The following XPO4 variants were observed in gnomAD, a reference collection of about 807,000 sequenced individuals.
XPO4 encodes the protein exportin 4, also known as exportin-4.
XPO4 carries 39 observed loss-of-function variants against 143.0 expected under a neutral mutation model. That is an observed-to-expected ratio of 0.27 (90% CI 0.21 to 0.36). The LOEUF is 0.36. Ranked by LOEUF, XPO4 falls within the 10% of genes least tolerant of loss-of-function variation. The probability of loss-of-function intolerance (pLI) is 1.00; values close to 1 mark genes in which losing one functional copy is unlikely to be tolerated. For missense variants in XPO4, 907 were observed against 1,348.0 expected, an observed-to-expected ratio of 0.67 and a Z score of 5.12; for synonymous variants, 439 against 474.0, an observed-to-expected ratio of 0.93 and a Z score of 0.96.
intron 1 of XPO4, among the ~76,000 whole-genome samples, chr13:20,868,931 T>C (rs1940430211): frequency 6.6e-6 from 1 of 152,190 alleles, no homozygotes; most frequent in Admixed American, 6.5e-5. Flanking sequence ...CAGAATCCTT[T>C]AAAGGTTTTT....
At chr13:20,870,089 CAAAA>C (rs59710121) in intron 1 of XPO4, among the ~76,000 whole-genome samples, 1 of 98,930 alleles carries the variant, frequency 1.0e-5, no homozygotes, top group Non-Finnish European at 1.9e-5. Context: ...GAAGGAGTCT[CAAAA>C]AAAAAAAAAA....
chr13:20,865,517 A>C, intron 2 of XPO4: 1 of 985,084 alleles, frequency 1.0e-6, no homozygotes, highest in Non-Finnish European at 1.2e-6. Flanking sequence ...ATTTTAGGTC[A>C]CTTTAGCAAA....
intron 1 of XPO4, among the ~76,000 whole-genome samples, chr13:20,893,100 A>T (rs964987848): frequency 2.0e-5 from 3 of 152,068 alleles, no homozygotes; most frequent in African/African-American, 7.2e-5. Context: ...GTTGCAAAAA[A>T]GCTAGTGTGG....
intron 9 of XPO4, among the ~76,000 whole-genome samples, chr13:20,810,381 C>G (rs911723673): frequency 6.6e-6 from 1 of 152,006 alleles, no homozygotes; most frequent in African/African-American, 2.4e-5. Flanking sequence ...TGCTCCTTAA[C>G]AAGAAATAAC....
At chr13:20,784,991 C>A (rs1464348754) in intron 22 of XPO4, among the ~76,000 whole-genome samples, 1 of 152,084 alleles carries the variant, frequency 6.6e-6, no homozygotes, top group African/African-American at 2.4e-5. Context: ...CCTCAGCCTC[C>A]TAAGAGCCTG....
Position 20,890,537 on chromosome 13 carries a change from G to C in XPO4, c.69+12133C>G, listed in dbSNP as rs113721928. On this transcript the variant is annotated intron_variant, in intron 1 of 22. Coordinates refer to ENST00000255305, the MANE Select transcript of XPO4 (RefSeq NM_022459.5). ...AGCATGGCCAGGCAAGGTGGCTCAT[G>C]CTTGTAATCCCAGCGCTTAGGGAGG... Among the ~76,000 whole-genome samples, 436 of 152,218 alleles carry C rather than the reference G, an allele frequency of 2.9e-3. 4 individuals carry two copies. The highest frequency in any genetic ancestry group is 0.01 in the African/African-American group (422 of 41,552).
At chr13:20,873,477 C>T (rs1213045945) in intron 1 of XPO4, among the ~76,000 whole-genome samples, 1 of 152,152 alleles carries the variant, frequency 6.6e-6, no homozygotes, top group Non-Finnish European at 1.5e-5. Flanking sequence ...TTATGGAATT[C>T]TATTAGGAAA....
Position 20,827,118 on chromosome 13 carries a change from C to G in XPO4, c.789G>C (p.Glu263Asp), listed in dbSNP as rs1407547911. 1 of 1,614,030 alleles carries G rather than the reference C, an allele frequency of 6.2e-7. No individual in the cohort carries two copies. The highest frequency in any genetic ancestry group is 8.5e-7 in the Non-Finnish European group (1 of 1,179,918). Residue 263 changes from glutamate to aspartate, a missense_variant, in exon 7 of 23, where the codon GAG (glutamate) becomes GAC (aspartate). Coordinates refer to ENST00000255305, the MANE Select transcript of XPO4 (RefSeq NM_022459.5). Reference sequence around the variant, plus strand: ...TGTCCAGAAGAGTCTCCCGCCAGGACTCTGTTGGCTTCAACAGCACATTTT... The same window carrying G: ...TGTCCAGAAGAGTCTCCCGCCAGGAGTCTGTTGGCTTCAACAGCACATTTT... ...SSQNVLLKPT[E>D]SWRETLLDSR... is the part of the protein sequence containing the mutation.
intron 11 of XPO4, among the ~76,000 whole-genome samples, chr13:20,808,859 C>T (rs1010098140): frequency 5.3e-5 from 8 of 152,324 alleles, no homozygotes; most frequent in Non-Finnish European, 1.2e-4. Context: ...CAAATCATTT[C>T]TCATACCATG....
At chr13:20,810,687 G>A (rs1285204721) in intron 9 of XPO4, among the ~76,000 whole-genome samples, 1 of 152,152 alleles carries the variant, frequency 6.6e-6, no homozygotes, top group Non-Finnish European at 1.5e-5. Context: ...GGAAAAGCCA[G>A]GCTTCTTCTT....
At chr13:20,831,025 G>C (rs1346709604) in intron 6 of XPO4, among the ~76,000 whole-genome samples, 3 of 151,426 alleles carry the variant, frequency 2.0e-5, no homozygotes, top group Admixed American at 2.0e-4. Flanking sequence ...TTTTTAATCA[G>C]GTATTCTCAA....
At chr13:20,847,558 T>C (rs911592427) in intron 4 of XPO4, among the ~76,000 whole-genome samples, 13 of 152,206 alleles carry the variant, frequency 8.5e-5, no homozygotes, top group African/African-American at 3.1e-4. Context: ...TTCAGACTGT[T>C]AGGTCTCAAT....
chr13:20,789,964 G>A (rs1395738150), intron 19 of XPO4, among the ~76,000 whole-genome samples: 2 of 152,162 alleles, frequency 1.3e-5, no homozygotes, highest in African/African-American at 2.4e-5. Context: ...AAGGCATAAT[G>A]TAGTCAGAAT....
rs566517722 is a variant in XPO4, at chr13:20,889,385, GATGTT to G, written c.69+13280_69+13284del. Among the ~76,000 whole-genome samples, 68 of 152,300 alleles carry G rather than the reference GATGTT, an allele frequency of 4.5e-4. No homozygotes were observed. The South Asian group carries it at 0.014, about 31-fold the overall frequency. Reference sequence around the variant, plus strand: ...CTCAGACCTTGAGTCTTCAGATGATGATGTTATATCAGTGGTTCTTAATTTAGGTA... The same window carrying G: ...CTCAGACCTTGAGTCTTCAGATGATGATATCAGTGGTTCTTAATTTAGGTA... On this transcript the variant is annotated intron_variant, in intron 1 of 22. Coordinates refer to ENST00000255305, the MANE Select transcript of XPO4 (RefSeq NM_022459.5).
intron 1 of XPO4, among the ~76,000 whole-genome samples, chr13:20,876,407 A>G (rs776934856): frequency 2.0e-5 from 3 of 152,028 alleles, no homozygotes; most frequent in Non-Finnish European, 4.4e-5. Flanking sequence ...CAACAAACCT[A>G]TGACATATGA....
In XPO4 at chr13:20,779,170, T is replaced by C. The variant is rs1398863144; in HGVS notation, c.*4552A>G. On this transcript the variant is annotated 3_prime_UTR_variant, in exon 23 of 23. Coordinates refer to ENST00000255305, the MANE Select transcript of XPO4 (RefSeq NM_022459.5). ...TAATATTTATAAATTTAAAAAATTT[T>C]ACACGTGCTGAGTGGTAGCAGTGCT... 1 of 152,464 alleles carries C rather than the reference T, an allele frequency of 6.6e-6. No homozygotes were observed. Among genetic ancestry groups the C allele is most frequent in the African/African-American group, 2.4e-5 (1 of 41,472 alleles). The allele number at this position is 152,464 out of a possible 1,614,324, so 9.4% of individuals were successfully genotyped here. A position where few individuals can be genotyped will look rare whatever the true frequency, so the allele number is the denominator to read the frequency against.
intron 4 of XPO4, among the ~76,000 whole-genome samples, chr13:20,845,806 A>G (rs887857592): frequency 3.3e-5 from 5 of 152,204 alleles, no homozygotes; most frequent in African/African-American, 1.2e-4. Flanking sequence ...TAGATGTTAA[A>G]TCAAATTAAT....
chr13:20,788,798 T>C (rs1027821275), intron 19 of XPO4, among the ~76,000 whole-genome samples, 182 bp from the exon 20 acceptor site: 1 of 152,210 alleles, frequency 6.6e-6, no homozygotes, highest in Non-Finnish European at 1.5e-5. Context: ...AAAGGGCATA[T>C]TTTAGTAACT....
At chr13:20,821,514 C>T (rs575301207) in intron 9 of XPO4, among the ~76,000 whole-genome samples, 190 bp downstream of exon 9, 1 of 152,306 alleles carries the variant, frequency 6.6e-6, no homozygotes, top group African/African-American at 2.4e-5. Flanking sequence ...ATATCACCAA[C>T]TAAAGCTATT....
Sources: gnomAD v4.1 joint callset for allele counts (sites outside exome capture counted in the v4.1 genomes callset) on GRCh38, gnomAD v4.1.1 for gene constraint, MANE v1.5 for transcripts, NCBI Gene and HGNC (gene_info 2026-07-23, HGNC 2026-07-21) for gene names.